COA5: variants seen among roughly 807,000 people sequenced by gnomAD.
COA5 encodes cytochrome c oxidase assembly factor 5.
Under a neutral mutation model 11.8 loss-of-function variants are expected in COA5, and 11 were observed. The ratio of observed to expected loss-of-function variants is 0.93; its 90% CI spans 0.59 to 1.54. The LOEUF (loss-of-function observed/expected upper bound fraction) is 1.54, where lower values mean the gene tolerates loss of function less well. Among genes scored for constraint, COA5 ranks in the 40% most tolerant of loss-of-function variants. The pLI, the probability that COA5 is intolerant of heterozygous loss-of-function variation, is 0.00. For synonymous variants in COA5, 38 were observed against 37.5 expected, an observed-to-expected ratio of 1.01 and a Z score of -0.05; for missense variants, 87 against 89.2, an observed-to-expected ratio of 0.97 and a Z score of 0.10.
chr2:98,606,096 G>T (rs1575225544), intron 1 of COA5, among the ~76,000 whole-genome samples: 1 of 152,278 alleles, frequency 6.6e-6, no homozygotes, highest in African/African-American at 2.4e-5. Flanking sequence ...TTTCAGGTGG[G>T]TTAAAGACTG....
intron 1 of COA5, chr2:98,604,856 A>G (rs1225224989): frequency 6.6e-6 from 1 of 152,432 alleles, no homozygotes; most frequent in Admixed American, 6.5e-5. Context: ...CCTGGGTCCT[A>G]GATATCAAAT....
chr2:98,608,296 G>A lies in COA5; in HGVS notation c.99+11C>T. The A allele has an allele frequency of 1.3e-6, 2 of 1,580,852 alleles. No homozygotes were observed. Among genetic ancestry groups the A allele is most frequent in the Non-Finnish European group, 1.7e-6 (2 of 1,163,614 alleles). ...GGGGTCGTCACCACCGGGAGCGCCCGGCCGCGCTACCTGGACCACACAGTC... is the reference window on the plus strand; with the variant it reads ...GGGGTCGTCACCACCGGGAGCGCCCAGCCGCGCTACCTGGACCACACAGTC... On this transcript the variant is annotated intron_variant, in intron 1 of 2. Transcript: ENST00000328709.
chr2:98,603,880 T>C (rs1700677043), intron 2 of COA5, among the ~76,000 whole-genome samples: 1 of 152,232 alleles, frequency 6.6e-6, no homozygotes, highest in African/African-American at 2.4e-5. Flanking sequence ...CAGAAATGCA[T>C]GAAGTTCAGC....
intron 2 of COA5, among the ~76,000 whole-genome samples, chr2:98,601,950 T>C (rs1176033512): frequency 6.6e-6 from 1 of 152,168 alleles, no homozygotes; most frequent in Non-Finnish European, 1.5e-5. Flanking sequence ...TCTTCTTCCA[T>C]GGAATTGGTC....
chr2:98,601,399 T>C (rs1700639856), intron 2 of COA5, among the ~76,000 whole-genome samples: 1 of 152,218 alleles, frequency 6.6e-6, no homozygotes, highest in African/African-American at 2.4e-5. Context: ...TATTCAAATA[T>C]ATTTGAAATC....
chr2:98,607,641 C>T (rs1327085589), intron 1 of COA5, among the ~76,000 whole-genome samples: 1 of 152,208 alleles, frequency 6.6e-6, no homozygotes, highest in East Asian at 1.9e-4. Flanking sequence ...TTGTGCTTTA[C>T]TTGAGCTCTA....
At position 98,600,544 on chromosome 2, in the gene COA5, T is replaced by TTTC. The variant is rs1006908314; in HGVS notation, c.*205_*207dup. ...CAACCCATACCTGTTCAATTAGGTTTTTCTTCTAAAAATAACTTGGATCAA... is the reference window on the plus strand; with the variant it reads ...CAACCCATACCTGTTCAATTAGGTTTTTCTTCTTCTAAAAATAACTTGGATCAA... On this transcript the variant is annotated 3_prime_UTR_variant, in exon 3 of 3. Coordinates refer to ENST00000328709, the MANE Select transcript of COA5 (RefSeq NM_001008215.3). 1.2e-5 allele frequency: 7 copies of TTTC among 590,198 alleles called. No homozygotes were observed. The highest frequency in any genetic ancestry group is 1.9e-5 in the African/African-American group (1 of 53,578). The allele number at this position is 590,198 out of a possible 1,614,324, so 36.6% of individuals were successfully genotyped here.
chr2:98,607,131 G>A (rs76656666), intron 1 of COA5, among the ~76,000 whole-genome samples: 3,283 of 152,286 alleles, frequency 0.022, 48 homozygotes, highest in Non-Finnish European at 0.034. Context: ...TCTTATGGCA[G>A]GAATTTAGAC....
rs184456101 is a variant in COA5, at chr2:98,599,516, C to A, written c.*1236G>T. ...GGTGAAAAGGAGTATACACAACAGA[C>A]CTTTGTGATATTCTGCAACAATGAC... On this transcript the variant is annotated 3_prime_UTR_variant, in exon 3 of 3. Transcript: ENST00000328709. 3.9e-5 allele frequency: 6 copies of A among 152,136 alleles called. No homozygotes were observed. In the East Asian group the frequency reaches 1.2e-3, roughly 29 times the overall value. The allele number at this position is 152,136 out of a possible 1,614,324, so 9.4% of individuals were successfully genotyped here.
In COA5 at chr2:98,600,278, C is replaced by G. The variant is rs1700623841; in HGVS notation, c.*474G>C. 5.5e-6 allele frequency: 1 copy of G among 181,524 alleles called. No homozygotes were observed. Among genetic ancestry groups the G allele is most frequent in the African/African-American group, 2.4e-5 (1 of 41,990 alleles). 11.2% of individuals were successfully genotyped at this position (181,524 alleles called of 1,614,324 possible). A position where few individuals can be genotyped will look rare whatever the true frequency, so the allele number is the denominator to read the frequency against. ...AGAGCACAAATGAAGTATTTCTTCTCTAAGGAATCAAACACAATTCATTTT... is the reference window on the plus strand; with the variant it reads ...AGAGCACAAATGAAGTATTTCTTCTGTAAGGAATCAAACACAATTCATTTT... On this transcript the variant is annotated 3_prime_UTR_variant, in exon 3 of 3. Coordinates refer to ENST00000328709, the MANE Select transcript of COA5 (RefSeq NM_001008215.3).
At chr2:98,602,573 C>T (rs1700655415) in intron 2 of COA5, 1 of 155,422 alleles carries the variant, frequency 6.4e-6, no homozygotes, top group African/African-American at 2.4e-5. Context: ...CACTTGAACC[C>T]AGGACGCAGA....
chr2:98,599,613 T>C lies in COA5; in HGVS notation c.*1139A>G, dbSNP rs544515206. ...TCAAGTGAGCTGTACAACGCCCCGATTGCTTTAACTCCAGTGAACCACGGA... is the reference window on the plus strand; with the variant it reads ...TCAAGTGAGCTGTACAACGCCCCGACTGCTTTAACTCCAGTGAACCACGGA... On this transcript the variant is annotated 3_prime_UTR_variant, in exon 3 of 3. Coordinates refer to ENST00000328709, the MANE Select transcript of COA5 (RefSeq NM_001008215.3). 5 of 152,332 alleles carry C rather than the reference T, an allele frequency of 3.3e-5. No homozygotes were observed. Among genetic ancestry groups the C allele is most frequent in the East Asian group, 3.9e-4 (2 of 5,190 alleles). The allele number at this position is 152,332 out of a possible 1,614,324, so 9.4% of individuals were successfully genotyped here.
chr2:98,604,259 CT>C (rs1238739403), intron 1 of COA5, 68 bp from the exon 2 acceptor site: 2 of 1,194,210 alleles, frequency 1.7e-6, no homozygotes, highest in Non-Finnish European at 1.3e-6. Flanking sequence ...AATAATTGTC[CT>C]TCTGAAAATA....
At chr2:98,602,830 T>C (rs1465457710) in intron 2 of COA5, among the ~76,000 whole-genome samples, 1 of 152,214 alleles carries the variant, frequency 6.6e-6, no homozygotes, top group Non-Finnish European at 1.5e-5. Flanking sequence ...CTTCGTTCTT[T>C]GGAGATCGAA....
At position 98,605,706 on chromosome 2, in the gene COA5, C is replaced by T. The variant is rs184314530; in HGVS notation, c.100-1515G>A. 3.3e-5 allele frequency: 5 copies of T among 152,306 alleles called. No homozygotes were observed. The East Asian group carries it at 7.7e-4, about 23-fold the overall frequency. The allele number at this position is 152,306 out of a possible 1,614,324, so 9.4% of individuals were successfully genotyped here. A position where few individuals can be genotyped will look rare whatever the true frequency, so the allele number is the denominator to read the frequency against. ...ACCAACCTAGGAAAGAAACTTTTAA[C>T]TTATTGGGGGTAGGGTGAGGGCAGC... On this transcript the variant is annotated intron_variant, in intron 1 of 2. Transcript: ENST00000328709.
At chr2:98,606,073 G>A (rs1010655862) in intron 1 of COA5, among the ~76,000 whole-genome samples, 1 of 152,142 alleles carries the variant, frequency 6.6e-6, no homozygotes, top group Non-Finnish European at 1.5e-5. Context: ...TCCCTAGAGC[G>A]AGGTGCTGCA....
chr2:98,608,213 TC>T, intron 1 of COA5, 93 bp downstream of exon 1: 1 of 944,256 alleles, frequency 1.1e-6, no homozygotes, highest in Non-Finnish European at 1.6e-6. Flanking sequence ...GATGGTTAAC[TC>T]CAACCGCCGC....
intron 1 of COA5, 87 bp downstream of exon 1, chr2:98,608,220 G>A (rs1700738299): frequency 3.0e-6 from 3 of 1,009,426 alleles, no homozygotes; most frequent in African/African-American, 1.6e-5. Context: ...AACTCCAACC[G>A]CCGCCGCGGG....
chr2:98,600,685 T>G lies in COA5; in HGVS notation c.*67A>C, dbSNP rs1317858942. ...GTAGTAAAAAGTATGTTTCCTGTTT[T>G]GGCTTCTTTGTGTTAATGACCAGGG... On this transcript the variant is annotated 3_prime_UTR_variant, in exon 3 of 3. Transcript: ENST00000328709. 2 of 1,385,518 alleles carry G rather than the reference T, an allele frequency of 1.4e-6. No homozygotes were observed. The highest frequency in any genetic ancestry group is 2.8e-5 in the African/African-American group (2 of 70,198). 85.8% of individuals were successfully genotyped at this position (1,385,518 alleles called of 1,614,324 possible).
Sources: allele counts gnomAD v4.1 joint callset (sites outside exome capture counted in the v4.1 genomes callset), GRCh38; gene constraint gnomAD v4.1.1; transcripts MANE v1.5; gene names NCBI Gene and HGNC (gene_info 2026-07-23, HGNC 2026-07-21).